The following SBF2 variants were observed in gnomAD, a reference collection of about 807,000 sequenced individuals.
SBF2 encodes SET binding factor 2.
SBF2 carries 112 observed loss-of-function variants against 225.2 expected under a neutral mutation model. That is an observed-to-expected ratio of 0.50 (90% CI 0.43 to 0.58). SBF2 has a LOEUF of 0.58. Ranked by LOEUF, SBF2 falls within the 20% of genes least tolerant of loss-of-function variation. The probability of loss-of-function intolerance (pLI) is 0.00; values close to 1 mark genes in which losing one functional copy is unlikely to be tolerated. For missense variants in SBF2, 1,996 were observed against 2,206.2 expected (o/e 0.90, Z 1.91); for synonymous variants, 763 against 773.3 (o/e 0.99, Z 0.22).
chr11:10,121,095 T>C (rs1953423928), intron 2 of SBF2, among the ~76,000 whole-genome samples: 1 of 152,252 alleles, frequency 6.6e-6, no homozygotes. Context: ...TGTTTAATAG[T>C]ATCCAACCTA....
chr11:9,781,447 TG>T, intron 39 of SBF2, 59 bp downstream of exon 39: 3 of 1,605,330 alleles, frequency 1.9e-6, no homozygotes, highest in Non-Finnish European at 2.6e-6. Context: ...CCATCATTCT[TG>T]GAGACAGACA....
chr11:10,197,156 A>G (rs146623303), intron 1 of SBF2, among the ~76,000 whole-genome samples: 2 of 152,196 alleles, frequency 1.3e-5, no homozygotes, highest in African/African-American at 4.8e-5. Context: ...CCTTTTACTG[A>G]AGCTAGAATT....
intron 1 of SBF2, among the ~76,000 whole-genome samples, chr11:10,239,316 A>G (rs1959177548): frequency 1.3e-5 from 2 of 150,882 alleles, no homozygotes; most frequent in East Asian, 1.9e-4. Context: ...CCTAAAACCA[A>G]TAAGACTAAG....
intron 2 of SBF2, among the ~76,000 whole-genome samples, chr11:10,163,305 T>C (rs1955830558): frequency 1.3e-5 from 2 of 152,162 alleles, no homozygotes; most frequent in African/African-American, 4.8e-5. Flanking sequence ...GATTTAATAA[T>C]TAAAATTGCA....
At chr11:10,235,365 T>A (rs1959024645) in intron 1 of SBF2, among the ~76,000 whole-genome samples, 1 of 152,058 alleles carries the variant, frequency 6.6e-6, no homozygotes, top group African/African-American at 2.4e-5. Context: ...AGAAACCCCG[T>A]CTCTACTAAA....
intron 17 of SBF2, among the ~76,000 whole-genome samples, chr11:9,868,868 A>C (rs1039835413): frequency 6.6e-6 from 1 of 152,214 alleles, no homozygotes; most frequent in Non-Finnish European, 1.5e-5. Flanking sequence ...TTCAGACAGT[A>C]CTAGCCTGAG....
At chr11:9,835,243 C>A (rs1418891843) in intron 26 of SBF2, among the ~76,000 whole-genome samples, 2 of 151,866 alleles carry the variant, frequency 1.3e-5, no homozygotes, top group Non-Finnish European at 2.9e-5. Flanking sequence ...ATCACTACCA[C>A]CTAGGTCAAG....
At chr11:9,931,153 T>A (rs1180855234) in intron 16 of SBF2, among the ~76,000 whole-genome samples, 1 of 152,272 alleles carries the variant, frequency 6.6e-6, no homozygotes, top group Non-Finnish European at 1.5e-5. Context: ...ACTGCCTCTA[T>A]GGACTCCACC....
At position 9,798,685 on chromosome 11, in the gene SBF2, G is replaced by A. The variant is rs932761458; in HGVS notation, c.4444-2728C>T. 5.3e-5 allele frequency among the ~76,000 whole-genome samples: 8 copies of A among 152,256 alleles called. No individual in the cohort carries two copies. In the South Asian group the frequency reaches 1.7e-3, roughly 32 times the overall value. On this transcript the variant is annotated intron_variant, in intron 32 of 39. Coordinates refer to ENST00000256190, the MANE Select transcript of SBF2 (RefSeq NM_030962.4). ...TCAAGGGCCAGGCGTGGTGGCTCAC[G>A]CCTGTAATCCCAACACTTTGGGAGG...
chr11:9,810,583 A>G (rs1854126848), intron 30 of SBF2: 1 of 152,244 alleles, frequency 6.6e-6, no homozygotes, highest in African/African-American at 2.4e-5. Context: ...GAATAAGGCA[A>G]ATGCCCTACT....
intron 3 of SBF2, among the ~76,000 whole-genome samples, chr11:10,037,933 T>C (rs774639490): frequency 4.6e-5 from 7 of 152,034 alleles, no homozygotes; most frequent in Non-Finnish European, 1.0e-4. Flanking sequence ...CTGCTTGGAA[T>C]TAATTATATG....
At chr11:9,804,060 C>T (rs1853646610) in intron 32 of SBF2, among the ~76,000 whole-genome samples, 1 of 151,992 alleles carries the variant, frequency 6.6e-6, no homozygotes, top group Non-Finnish European at 1.5e-5. Context: ...GGAAAGGACC[C>T]CAGGTCCTTT....
chr11:10,136,638 G>A (rs1465901390), intron 2 of SBF2, among the ~76,000 whole-genome samples: 3 of 152,162 alleles, frequency 2.0e-5, no homozygotes, highest in Non-Finnish European at 4.4e-5. Context: ...CACCTGAAAT[G>A]GGAGGTAAGG....
At chr11:10,164,412 TTAAAC>T (rs1955869173) in intron 2 of SBF2, among the ~76,000 whole-genome samples, 1 of 152,080 alleles carries the variant, frequency 6.6e-6, no homozygotes, top group African/African-American at 2.4e-5. Context: ...AGGCAAAACT[TTAAAC>T]TAAAAGAAAT....
chr11:10,178,890 C>G (rs1725774678), intron 2 of SBF2, among the ~76,000 whole-genome samples: 1 of 148,380 alleles, frequency 6.7e-6, no homozygotes, highest in Non-Finnish European at 1.5e-5. Context: ...AAGACACATG[C>G]ACACGTATGT....
At chr11:9,832,110 T>C (rs1855436219) in intron 27 of SBF2, 114 bp downstream of exon 27, 1 of 896,676 alleles carries the variant, frequency 1.1e-6, no homozygotes, top group South Asian at 1.4e-5. Flanking sequence ...GTGGAAAAGT[T>C]TGTGTGTGAG....
At chr11:10,142,311 A>G (rs1954684222) in intron 2 of SBF2, among the ~76,000 whole-genome samples, 2 of 152,148 alleles carry the variant, frequency 1.3e-5, no homozygotes, top group African/African-American at 4.8e-5. Context: ...GTATTTTTCA[A>G]TATTTAAGGG....
intron 16 of SBF2, among the ~76,000 whole-genome samples, chr11:9,950,444 C>T (rs769560636): frequency 7.9e-5 from 12 of 152,158 alleles, no homozygotes; most frequent in African/African-American, 1.2e-4. Flanking sequence ...AAAATGACTA[C>T]TGCAGATAAT....
chr11:10,270,930 C>G (rs11042712), intron 1 of SBF2, among the ~76,000 whole-genome samples: 72,310 of 146,756 alleles, frequency 0.49, 18,062 homozygotes, highest in Non-Finnish European at 0.54. Context: ...GGGAGGCGGA[C>G]CTTGCAGTGA....
Sources: allele counts gnomAD v4.1 joint callset (sites outside exome capture counted in the v4.1 genomes callset), GRCh38; gene constraint gnomAD v4.1.1; transcripts MANE v1.5; gene names NCBI Gene and HGNC (gene_info 2026-07-23, HGNC 2026-07-21).